Variants in MICU3 observed in about 807,000 individuals in gnomAD.
MICU3 encodes the protein mitochondrial calcium uptake 3.
A neutral mutation model predicts 66.5 loss-of-function variants in MICU3; 62 were observed. That is an observed-to-expected ratio of 0.93 (90% CI 0.76 to 1.15). The LOEUF (loss-of-function observed/expected upper bound fraction) is 1.15. Among genes scored for constraint, MICU3 ranks in the 50% most tolerant of loss-of-function variants. MICU3 has a pLI of 0.00. For synonymous variants in MICU3, 308 were observed against 240.7 expected (o/e 1.28, Z -2.59); for missense variants, 779 against 664.4 (o/e 1.17, Z -1.90).
chr8:17,082,612 C>T (rs1246427095), intron 5 of MICU3, among the ~76,000 whole-genome samples: 2 of 151,948 alleles, frequency 1.3e-5, no homozygotes, highest in African/African-American at 4.8e-5. Flanking sequence ...GCACATGGTA[C>T]CCTTCCAAAA....
intron 3 of MICU3, among the ~76,000 whole-genome samples, chr8:17,076,692 A>G (rs1008817732): frequency 3.3e-5 from 5 of 152,256 alleles, no homozygotes; most frequent in Admixed American, 2.0e-4. Context: ...CAGCTGCGTC[A>G]GAAATGGTTT....
intron 9 of MICU3, among the ~76,000 whole-genome samples, chr8:17,100,495 A>G (rs747250659): frequency 1.3e-5 from 2 of 151,810 alleles, no homozygotes; most frequent in African/African-American, 4.8e-5. Flanking sequence ...ATAAATCCTT[A>G]TAGGTTACTG....
Position 17,105,428 on chromosome 8 carries a change from C to G in MICU3, c.1101C>G (p.Leu367=), listed in dbSNP as rs1215448578. The stretch of plus-strand genomic sequence containing the variant: ...TTTGTCATAGATTCATGGATAATCT[C>G]CAAACAGAAGTTCTAGAAATAGAAT... ...FEDFYRFMDN[L]QTEVLEIEFL... The change falls in exon 11 of 15, where the codon CTC becomes CTG. Residue 367 remains leucine (L), a synonymous_variant. Coordinates refer to ENST00000318063, the MANE Select transcript of MICU3 (RefSeq NM_181723.3). 2 of 1,549,840 alleles carry G rather than the reference C, an allele frequency of 1.3e-6. No homozygotes were observed. The highest frequency in any genetic ancestry group is 1.8e-6 in the Non-Finnish European group (2 of 1,142,558).
At chr8:17,117,704 G>A (rs367848408) in intron 13 of MICU3, among the ~76,000 whole-genome samples, 63 of 151,904 alleles carry the variant, frequency 4.1e-4, no homozygotes, top group African/African-American at 1.5e-3. Context: ...CGCCTCCCGG[G>A]TTCAAGAGAT....
intron 11 of MICU3, among the ~76,000 whole-genome samples, chr8:17,108,884 A>G (rs895531521): frequency 3.3e-5 from 5 of 152,026 alleles, no homozygotes; most frequent in Non-Finnish European, 7.4e-5. Flanking sequence ...CTCACTTCCT[A>G]TATTCTGATC....
At chr8:17,119,712 T>C (rs1464819260) in intron 14 of MICU3, among the ~76,000 whole-genome samples, 1 of 152,160 alleles carries the variant, frequency 6.6e-6, no homozygotes, top group African/African-American at 2.4e-5. Flanking sequence ...GATTGTAATA[T>C]GCTACTATGC....
At chr8:17,106,604 G>C (rs1004343306) in intron 11 of MICU3, among the ~76,000 whole-genome samples, 5 of 150,666 alleles carry the variant, frequency 3.3e-5, no homozygotes, top group African/African-American at 1.2e-4. Context: ...AACTTAAAAG[G>C]TTAAGTTTTT....
chr8:17,113,013 A>G (rs1234258647), intron 11 of MICU3, among the ~76,000 whole-genome samples: 1 of 152,380 alleles, frequency 6.6e-6, no homozygotes, highest in South Asian at 2.1e-4. Flanking sequence ...ATGTAAGGAA[A>G]GGAAAGTAAA....
intron 8 of MICU3, among the ~76,000 whole-genome samples, chr8:17,097,594 A>G (rs1164680044): frequency 1.3e-5 from 2 of 151,744 alleles, no homozygotes; most frequent in African/African-American, 4.8e-5. Context: ...AAAATGAAAG[A>G]AAGAAAAGTT....
At chr8:17,077,505 G>A (rs527505656) in intron 3 of MICU3, among the ~76,000 whole-genome samples, 1 of 152,110 alleles carries the variant, frequency 6.6e-6, no homozygotes, top group East Asian at 1.9e-4. Context: ...TCTTGATTTG[G>A]TTGTCTTATG....
intron 1 of MICU3, among the ~76,000 whole-genome samples, chr8:17,055,967 G>T (rs932988162): frequency 6.6e-6 from 1 of 152,148 alleles, no homozygotes; most frequent in African/African-American, 2.4e-5. Context: ...CTCCCAGTAT[G>T]AAAGTTCACC....
chr8:17,066,546 T>TATAGA (rs1226501449), intron 2 of MICU3, among the ~76,000 whole-genome samples: 6 of 118,768 alleles, frequency 5.1e-5, no homozygotes, highest in Non-Finnish European at 9.2e-5. Flanking sequence ...TATATAGATT[T>TATAGA]TTTTTTTTTT....
the MICU3 span, chr8:17,133,022 G>T: frequency 0.097 from 14,798 of 152,210 alleles, 928 homozygotes; most frequent in Non-Finnish European, 0.13. Context: ...GCAAGCCCTC[G>T]CCAGGCACTG....
chr8:17,044,555 T>C (rs1443345458), intron 1 of MICU3, among the ~76,000 whole-genome samples: 2 of 152,152 alleles, frequency 1.3e-5, no homozygotes, highest in African/African-American at 4.8e-5. Flanking sequence ...GTGAAAACAT[T>C]GTGGTATATT....
intron 1 of MICU3, among the ~76,000 whole-genome samples, chr8:17,058,554 A>G (rs1409874503): frequency 2.0e-5 from 3 of 151,696 alleles, no homozygotes; most frequent in Non-Finnish European, 4.4e-5. Flanking sequence ...TTGAATGTTT[A>G]TAATTGTGAT....
chr8:17,054,726 T>TTTTC, intron 1 of MICU3, among the ~76,000 whole-genome samples: 1 of 146,666 alleles, frequency 6.8e-6, no homozygotes, highest in Admixed American at 6.9e-5. Flanking sequence ...TTCTTTTTCT[T>TTTTC]TTTCTTTCTT....
At chr8:17,076,416 A>T (rs867149227) in intron 3 of MICU3, among the ~76,000 whole-genome samples, 7 of 152,160 alleles carry the variant, frequency 4.6e-5, no homozygotes, top group African/African-American at 1.7e-4. Flanking sequence ...CCAGTTTCTC[A>T]TTACAATTCG....
chr8:17,045,690 T>A (rs1814957949), intron 1 of MICU3, among the ~76,000 whole-genome samples: 2 of 152,204 alleles, frequency 1.3e-5, no homozygotes, highest in African/African-American at 2.4e-5. Context: ...CTCATGCTGC[T>A]AATGAAGACA....
chr8:17,099,228 C>G (rs62502371), intron 9 of MICU3, among the ~76,000 whole-genome samples: 21,983 of 151,602 alleles, frequency 0.15, 1,719 homozygotes, highest in South Asian at 0.26. Context: ...TTTTGTGTTT[C>G]TTATTAAGAA....
Sources: gnomAD v4.1 joint callset for allele counts (sites outside exome capture counted in the v4.1 genomes callset) on GRCh38, gnomAD v4.1.1 for gene constraint, MANE v1.5 for transcripts, NCBI Gene and HGNC (gene_info 2026-07-23, HGNC 2026-07-21) for gene names.